AGMO: variants seen among roughly 807,000 people sequenced by gnomAD.
AGMO encodes the protein alkylglycerol monooxygenase.
A neutral mutation model predicts 60.2 loss-of-function variants in AGMO; 75 were observed. The ratio of observed to expected loss-of-function variants is 1.25; its 90% CI spans 1.03 to 1.51. AGMO has a LOEUF of 1.51. Ranked by LOEUF, AGMO falls within the 40% of genes most tolerant of loss-of-function variation. AGMO has a pLI of 0.00. For synonymous variants in AGMO, 261 were observed against 177.1 expected, an observed-to-expected ratio of 1.47 and a Z score of -3.76; for missense variants, 763 against 525.5, an observed-to-expected ratio of 1.45 and a Z score of -4.42.
rs146558434 is a variant in AGMO, at chr7:15,377,085, T to C, written c.1074+8361A>G. 1.2e-3 allele frequency among the ~76,000 whole-genome samples: 179 copies of C among 152,216 alleles called. 3 individuals are homozygous for C. Among genetic ancestry groups the C allele is most frequent in the African/African-American group, 4.2e-3 (174 of 41,526 alleles). ...AGTCAGCCACAACTTTTCTGTGTGATTATTGGCTACAGTGAATCTGGAAAA... is the reference window on the plus strand; with the variant it reads ...AGTCAGCCACAACTTTTCTGTGTGACTATTGGCTACAGTGAATCTGGAAAA... On this transcript the variant is annotated intron_variant, in intron 10 of 12. Coordinates refer to ENST00000342526, the MANE Select transcript of AGMO (RefSeq NM_001004320.2).
intron 12 of AGMO, among the ~76,000 whole-genome samples, chr7:15,351,052 T>C (rs1208131877): frequency 6.6e-6 from 1 of 152,144 alleles, no homozygotes; most frequent in Non-Finnish European, 1.5e-5. Flanking sequence ...AAGCAGCTAA[T>C]TTTTTCAGCC....
intron 2 of AGMO, among the ~76,000 whole-genome samples, chr7:15,551,097 G>T (rs949837807): frequency 3.3e-5 from 5 of 152,012 alleles, no homozygotes; most frequent in Non-Finnish European, 5.9e-5. Context: ...TGCAGGAAAA[G>T]CCTTTGACAA....
chr7:15,153,181 ATTGTT>A, the AGMO span, among the ~76,000 whole-genome samples: 1 of 52,630 alleles, frequency 1.9e-5, no homozygotes, highest in Non-Finnish European at 4.4e-5. Context: ...TTTTGATAGG[ATTGTT>A]TTTTTTTTTC....
At chr7:15,129,897 G>A in the AGMO span, among the ~76,000 whole-genome samples, 1 of 152,114 alleles carries the variant, frequency 6.6e-6, no homozygotes, top group Non-Finnish European at 1.5e-5. Context: ...AAGGCACATA[G>A]TGTGTATTAA....
At chr7:15,395,210 G>A (rs1445184656) in intron 5 of AGMO, among the ~76,000 whole-genome samples, 2 of 152,148 alleles carry the variant, frequency 1.3e-5, no homozygotes, top group African/African-American at 2.4e-5. Flanking sequence ...GTTAGCTTCC[G>A]TTTGGAGGAC....
chr7:15,532,989 T>G (rs988596706), intron 3 of AGMO, among the ~76,000 whole-genome samples: 2 of 152,094 alleles, frequency 1.3e-5, no homozygotes. Context: ...AAACCCTGTC[T>G]CAAAAGACAA....
intron 5 of AGMO, among the ~76,000 whole-genome samples, chr7:15,399,387 C>A (rs766002359): frequency 7.0e-4 from 106 of 152,102 alleles, no homozygotes; most frequent in Admixed American, 2.8e-3. Flanking sequence ...AGGTTATTTC[C>A]TTTGCCTTTC....
chr7:15,493,437 G>A (rs576430478), intron 3 of AGMO, among the ~76,000 whole-genome samples: 2 of 136,018 alleles, frequency 1.5e-5, no homozygotes, highest in East Asian at 2.3e-4. Flanking sequence ...GCAGTGGCGC[G>A]ATCTCGGCTC....
chr7:15,202,979 T>A (rs75499429), intron 12 of AGMO, among the ~76,000 whole-genome samples: 3,896 of 152,208 alleles, frequency 0.026, 168 homozygotes, highest in African/African-American at 0.086. Context: ...AATATCAGAG[T>A]AAATAATTTA....
intron 4 of AGMO, among the ~76,000 whole-genome samples, chr7:15,425,112 A>C (rs575280258): frequency 2.6e-5 from 4 of 152,308 alleles, no homozygotes; most frequent in Admixed American, 2.6e-4. Context: ...GTGATCTTCA[A>C]AATAACCACA....
intron 2 of AGMO, among the ~76,000 whole-genome samples, chr7:15,546,934 A>G (rs1344840610): frequency 2.0e-5 from 3 of 152,176 alleles, no homozygotes; most frequent in Admixed American, 1.3e-4. Flanking sequence ...GAAACTATGA[A>G]ATCTTAAAAT....
intron 3 of AGMO, among the ~76,000 whole-genome samples, chr7:15,488,149 C>T (rs1782970680): frequency 6.6e-6 from 1 of 152,104 alleles, no homozygotes; most frequent in Non-Finnish European, 1.5e-5. Flanking sequence ...CACATTTTGC[C>T]CAAGTTCTTA....
chr7:15,175,421 G>T, the AGMO span, among the ~76,000 whole-genome samples: 2 of 151,916 alleles, frequency 1.3e-5, no homozygotes, highest in Non-Finnish European at 2.9e-5. Flanking sequence ...ATTTTGGGGG[G>T]AAAATTCATG....
chr7:15,342,599 T>C (rs1583430076), intron 12 of AGMO, among the ~76,000 whole-genome samples: 1 of 151,896 alleles, frequency 6.6e-6, no homozygotes, highest in South Asian at 2.1e-4. Flanking sequence ...AATAAAAATG[T>C]TCAGAATGGA....
At chr7:15,556,958 T>A (rs1429820017) in intron 2 of AGMO, among the ~76,000 whole-genome samples, 1 of 152,012 alleles carries the variant, frequency 6.6e-6, no homozygotes, top group Admixed American at 6.6e-5. Context: ...AGATGGACTT[T>A]TATTACAGAT....
chr7:15,377,339 C>G lies in AGMO; in HGVS notation c.1074+8107G>C, dbSNP rs959801028. ...TTTCAGTTTGTAAAGGGTTTCAACA[C>G]TTGATATTTCTCTTCGTCAATATAT... On this transcript the variant is annotated intron_variant, in intron 10 of 12. Coordinates refer to ENST00000342526, the MANE Select transcript of AGMO (RefSeq NM_001004320.2). Among the ~76,000 whole-genome samples, 3 of 152,154 alleles carry G rather than the reference C, an allele frequency of 2.0e-5. No individual in the cohort carries two copies. In the East Asian group the frequency reaches 5.8e-4, roughly 29 times the overall value.
chr7:15,417,077 C>T (rs1225005049), intron 5 of AGMO, among the ~76,000 whole-genome samples: 4 of 152,098 alleles, frequency 2.6e-5, no homozygotes, highest in Non-Finnish European at 5.9e-5. Context: ...AATGTTTTCA[C>T]GGTTAATAAT....
At chr7:15,354,480 GTGTATATACACACGTGTATATATATA>G (rs1782430763) in intron 12 of AGMO, among the ~76,000 whole-genome samples, 5 of 17,444 alleles carry the variant, frequency 2.9e-4, no homozygotes, top group Admixed American at 6.6e-4. Flanking sequence ...ATACACACGT[GTGTATATACACACGTGTATATATATA>G]TATATATATA....
At chr7:15,229,923 G>A (rs1490094442) in intron 12 of AGMO, among the ~76,000 whole-genome samples, 1 of 151,404 alleles carries the variant, frequency 6.6e-6, no homozygotes, top group Non-Finnish European at 1.5e-5. Context: ...TTGTGATTGT[G>A]CCTCCGATTG....
Sources: gnomAD v4.1 joint callset for allele counts (sites outside exome capture counted in the v4.1 genomes callset) on GRCh38, gnomAD v4.1.1 for gene constraint, MANE v1.5 for transcripts, NCBI Gene and HGNC (gene_info 2026-07-23, HGNC 2026-07-21) for gene names.